The following TRIM65 variants were observed in gnomAD, a reference collection of about 807,000 sequenced individuals.
TRIM65 encodes tripartite motif containing 65.
In TRIM65, 46 loss-of-function variants were observed where a neutral mutation model predicts 36.1. The ratio of observed to expected loss-of-function variants is 1.27; its 90% CI spans 1.01 to 1.63. TRIM65 has a LOEUF of 1.63. Among genes scored for constraint, TRIM65 ranks in the 40% most tolerant of loss-of-function variants. The probability of loss-of-function intolerance (pLI) is 0.00; values close to 1 mark genes in which losing one functional copy is unlikely to be tolerated. For missense variants in TRIM65, 708 were observed against 696.6 expected (o/e 1.02, Z -0.18); for synonymous variants, 346 against 313.6 (o/e 1.10, Z -1.09).
rs2065291193 is a variant in TRIM65, at chr17:75,892,779, C to T, written c.486G>A (p.Leu162=). ...ATQAEGQLLE[L]RKQSSQIQNS... is the part of the protein sequence containing the mutation. ...CCTGGATCTGGCTGCTTTGCTTGCG[C>T]AGCTCTAGTAGCTGGCCTTCGGCCT... is the stretch of plus-strand genomic sequence containing the variant. Residue 162 remains leucine, a synonymous_variant, in exon 2 of 6, where the codon CTG becomes CTA. Coordinates refer to ENST00000269383, the MANE Select transcript of TRIM65 (RefSeq NM_173547.4). 6.2e-7 allele frequency: 1 copy of T among 1,604,402 alleles called. No homozygotes were observed. The highest frequency in any genetic ancestry group is 1.7e-5 in the Admixed American group (1 of 59,994).
intron 1 of TRIM65, among the ~76,000 whole-genome samples, chr17:75,894,266 G>A (rs915694907): frequency 3.3e-5 from 5 of 152,058 alleles, no homozygotes; most frequent in Admixed American, 6.5e-5. Flanking sequence ...GCGTCCCTGC[G>A]CCATCCTCCA....
intron 5 of TRIM65, 35 bp from the exon 6 acceptor site, chr17:75,891,382 G>A: frequency 2.5e-6 from 4 of 1,604,128 alleles, no homozygotes; most frequent in Non-Finnish European, 3.4e-6. Flanking sequence ...TGGGCTGGGG[G>A]AAGACAGCAC....
At chr17:75,881,551 C>T (rs1240154966) in intron 4 of TRIM65, among the ~76,000 whole-genome samples, 1 of 150,640 alleles carries the variant, frequency 6.6e-6, no homozygotes, top group Non-Finnish European at 1.5e-5. Context: ...TTTGGGGCCC[C>T]TTGGACAAGG....
chr17:75,892,542 G>A, intron 2 of TRIM65, 42 bp from the exon 3 acceptor site: 1 of 1,561,170 alleles, frequency 6.4e-7, no homozygotes, highest in African/African-American at 1.4e-5. Flanking sequence ...CCAGGGCCCT[G>A]TGCCATACCA....
At chr17:75,883,687 C>T (rs1295942078) in intron 4 of TRIM65, among the ~76,000 whole-genome samples, 1 of 151,846 alleles carries the variant, frequency 6.6e-6, no homozygotes, top group Non-Finnish European at 1.5e-5. Context: ...GCCACCACGC[C>T]TGGCTAATTT....
chr17:75,892,034 T>G lies in TRIM65; in HGVS notation c.896A>C (p.Lys299Thr). ...EEGSHPGAPA[K>T]PVDLAPVEAP... ...ACCCACGGGGGCTAAGTCCACAGGC[T>G]TGGCTGGTGCCCCAGGGTGGCTCCC... Residue 299 changes from lysine to threonine, a missense_variant, in exon 4 of 6, where the codon AAG becomes ACG. Physicochemically the swap from Lys to Thr is moderately conservative, Grantham distance 78. Coordinates refer to ENST00000269383, the MANE Select transcript of TRIM65 (RefSeq NM_173547.4). 6.4e-7 allele frequency: 1 copy of G among 1,551,328 alleles called. No homozygotes were observed. The highest frequency in any genetic ancestry group is 1.2e-5 in the South Asian group (1 of 84,090).
chr17:75,887,115 T>G (rs528717947), downstream of TRIM65, among the ~76,000 whole-genome samples: 19 of 140,944 alleles, frequency 1.3e-4, no homozygotes, highest in East Asian at 6.4e-4. Flanking sequence ...ATCCTGCCCT[T>G]GCACTCCAGC....
At position 75,891,174 on chromosome 17, in the gene TRIM65, C is replaced by T. The variant is rs780802144; in HGVS notation, c.1159G>A (p.Glu387Lys). 2.5e-6 allele frequency: 4 copies of T among 1,610,710 alleles called. No homozygotes were observed. The East Asian group carries it at 8.9e-5, about 36-fold the overall frequency. ...ACCGAGTGGTCTGACGCGCGCACCTCCCAGTAGTGGTGCCCGGCCTGGAAG... is the reference window on the plus strand; with the variant it reads ...ACCGAGTGGTCTGACGCGCGCACCTTCCAGTAGTGGTGCCCGGCCTGGAAG... ...QSFQAGHHYW[E>K]VRASDHSVTL... is the part of the protein sequence containing the mutation. The change falls in exon 6 of 6, where the codon GAG becomes AAG. Residue 387 changes from glutamate to lysine, a missense_variant. Glu to Lys is a moderately conservative substitution (Grantham distance 56). Coordinates refer to ENST00000269383, the MANE Select transcript of TRIM65 (RefSeq NM_173547.4).
rs562393528 is a variant in TRIM65 at position 75,883,825 on chromosome 17, C to A, written c.350-3196G>T. On this transcript the variant is annotated intron_variant, in intron 4 of 4. Coordinates refer to the TRIM65 transcript ENST00000591668. Reference sequence around the variant, plus strand: ...TACAGGCGTGAGCCACCGCGCCTGGCTTTTTATGTATTTTTAAACATTTGG... The same window carrying A: ...TACAGGCGTGAGCCACCGCGCCTGGATTTTTATGTATTTTTAAACATTTGG... 3.3e-5 allele frequency among the ~76,000 whole-genome samples: 5 copies of A among 152,170 alleles called. No individual in the cohort carries two copies. In the East Asian group the frequency reaches 9.7e-4, roughly 29 times the overall value.
chr17:75,885,931 T>C (rs2065203517), downstream of TRIM65, among the ~76,000 whole-genome samples: 1 of 152,206 alleles, frequency 6.6e-6, no homozygotes, highest in African/African-American at 2.4e-5. Context: ...CCTTCACCTC[T>C]GATATGGTTT....
chr17:75,888,554 C>T (rs1455551982), downstream of TRIM65, among the ~76,000 whole-genome samples: 5 of 152,220 alleles, frequency 3.3e-5, no homozygotes. Context: ...CCGTTGGGTG[C>T]TTCTGCTGCA....
intron 1 of TRIM65, among the ~76,000 whole-genome samples, chr17:75,894,406 G>A (rs1191364257): frequency 6.6e-6 from 1 of 152,236 alleles, no homozygotes; most frequent in Non-Finnish European, 1.5e-5. Context: ...TTCTGTCCTC[G>A]TACTGAGCCT....
intron 5 of TRIM65, 81 bp downstream of exon 5, chr17:75,891,732 C>A: frequency 2.0e-6 from 2 of 993,058 alleles, no homozygotes; most frequent in South Asian, 3.6e-5. Flanking sequence ...AACATGCACA[C>A]ACACACGTGC....
chr17:75,880,479 A>G (rs2065162731), exon 5 of TRIM65: 1 of 150,074 alleles, frequency 6.7e-6, no homozygotes, highest in Non-Finnish European at 1.5e-5. Flanking sequence ...TTATCAGGAC[A>G]CCAGTTGTTG....
chr17:75,889,976 A>C lies in TRIM65; in HGVS notation c.*803T>G, dbSNP rs1423769443. The C allele has an allele frequency of 1.3e-5, 2 of 152,226 alleles. No individual in the cohort carries two copies. The highest frequency in any genetic ancestry group is 2.9e-5 in the Non-Finnish European group (2 of 68,044). 9.4% of individuals were successfully genotyped at this position (152,226 alleles called of 1,614,324 possible). A position where few individuals can be genotyped will look rare whatever the true frequency, so the allele number is the denominator to read the frequency against. Reference sequence around the variant, plus strand: ...TATAGCTAAAAAGAAAGAAATTTAAATGTCCAATAATGGATAAATAAACTT... The same window carrying C: ...TATAGCTAAAAAGAAAGAAATTTAACTGTCCAATAATGGATAAATAAACTT... On this transcript the variant is annotated 3_prime_UTR_variant, in exon 6 of 6. Coordinates refer to ENST00000269383, the MANE Select transcript of TRIM65 (RefSeq NM_173547.4).
At chr17:75,883,769 C>T (rs1390242744) in intron 4 of TRIM65, among the ~76,000 whole-genome samples, 2 of 152,030 alleles carry the variant, frequency 1.3e-5, no homozygotes, top group African/African-American at 4.8e-5. Flanking sequence ...CCTTGTGATC[C>T]ACCCGCCTCG....
At position 75,896,661 on chromosome 17, in the gene TRIM65, C is replaced by A; in HGVS notation, c.277G>T (p.Ala93Ser). ...GGCCGCCCGTGGCGGGGGCAGCGCG[C>A]GGCAGGGTCGGGGCCGGGGCCGGGA... is the stretch of plus-strand genomic sequence containing the variant. Reference protein sequence around the residue: ...PDPGPGPDPAARCPRHGRPLE... With the variant: ...PDPGPGPDPASRCPRHGRPLE... The change falls in exon 1 of 6, where the codon GCG becomes TCG. Residue 93 changes from alanine to serine, a missense_variant. Transcript: ENST00000269383. 8.0e-7 allele frequency: 1 copy of A among 1,248,602 alleles called. No individual in the cohort carries two copies. The allele number at this position is 1,248,602 out of a possible 1,614,324, so 77.3% of individuals were successfully genotyped here. A position where few individuals can be genotyped will look rare whatever the true frequency, so the allele number is the denominator to read the frequency against.
chr17:75,880,427 G>A (rs1015072767), exon 5 of TRIM65: 7 of 149,542 alleles, frequency 4.7e-5, no homozygotes, highest in Non-Finnish European at 8.8e-5. Context: ...CAAAGTGCTA[G>A]GATTACAGGC....
chr17:75,887,796 T>C (rs549754072), downstream of TRIM65, among the ~76,000 whole-genome samples: 1 of 151,828 alleles, frequency 6.6e-6, no homozygotes, highest in East Asian at 1.9e-4. Context: ...CCCAGGCGGG[T>C]GGATCACGAG....
Sources: gnomAD v4.1 joint callset for allele counts (sites outside exome capture counted in the v4.1 genomes callset) on GRCh38, gnomAD v4.1.1 for gene constraint, MANE v1.5 for transcripts, NCBI Gene and HGNC (gene_info 2026-07-23, HGNC 2026-07-21) for gene names.